Variants in LIMCH1 observed in about 807,000 individuals in gnomAD.
LIMCH1 encodes LIM and calponin homology domains 1, also known as LIM and calponin homology domains-containing protein 1.
In LIMCH1, 113 loss-of-function variants were observed where a neutral mutation model predicts 176.5. The observed-to-expected ratio is 0.64, with a 90% confidence interval of 0.55 to 0.75. LIMCH1 has a LOEUF of 0.75. LIMCH1 is among the 30% of genes least tolerant of loss of function. The pLI is 0.00. For missense variants in LIMCH1, 1,674 were observed against 1,814.9 expected (o/e 0.92, Z 1.41); for synonymous variants, 619 against 645.9 (o/e 0.96, Z 0.63).
intron 1 of LIMCH1, among the ~76,000 whole-genome samples, chr4:41,369,681 T>TG (rs1561148166): frequency 1.2e-4 from 18 of 151,754 alleles, no homozygotes; most frequent in Non-Finnish European, 2.1e-4. Flanking sequence ...CGAATTTTTT[T>TG]TGTGTGTGTG....
In LIMCH1 at chr4:41,661,492, A is replaced by T; in HGVS notation, c.3109A>T (p.Ile1037Leu). Residue 1037 changes from isoleucine (I) to leucine (L), a missense_variant, in exon 19 of 32, where the codon ATA (isoleucine) becomes TTA (leucine). Physicochemically the swap from Ile to Leu is conservative, Grantham distance 5. Around this residue, in one of 3 missense-constraint regions of LIMCH1, gnomAD observed 1,015 missense variants for 1,102.5 expected, o/e 0.92. Coordinates refer to ENST00000503057, the MANE Select transcript of LIMCH1 (RefSeq NM_001330672.2). Reference sequence around the variant, plus strand: ...TGGTGGAAAATCAAGAAAAGGGAATATAGAACTTGCCTCATCAGGTTTGTT... The same window carrying T: ...TGGTGGAAAATCAAGAAAAGGGAATTTAGAACTTGCCTCATCAGGTTTGTT... ...NDGGKSRKGN[I>L]ELASSEPQHF... The T allele has an allele frequency of 6.2e-7, 1 of 1,611,158 alleles. No individual in the cohort carries two copies. The highest frequency in any genetic ancestry group is 8.5e-7 in the Non-Finnish European group (1 of 1,177,720).
At chr4:41,573,000 G>T (rs1410363314) in intron 1 of LIMCH1, among the ~76,000 whole-genome samples, 2 of 152,172 alleles carry the variant, frequency 1.3e-5, no homozygotes, top group Admixed American at 6.5e-5. Context: ...ATGTAGATAA[G>T]GAAAATCTCC....
At chr4:41,670,618 T>A (rs2094981435) in intron 21 of LIMCH1, 4 of 770,900 alleles carry the variant, frequency 5.2e-6, no homozygotes, top group East Asian at 2.9e-5. Flanking sequence ...TGGTATTGAC[T>A]AGAGCCAAAC....
At chr4:41,615,220 T>C (rs1161414107) in intron 5 of LIMCH1, among the ~76,000 whole-genome samples, 1 of 152,222 alleles carries the variant, frequency 6.6e-6, no homozygotes, top group Non-Finnish European at 1.5e-5. Flanking sequence ...TTTTGATTAG[T>C]TGTTTTAAGT....
chr4:41,558,298 G>GA (rs1198677855), intron 1 of LIMCH1, among the ~76,000 whole-genome samples: 2 of 152,090 alleles, frequency 1.3e-5, no homozygotes. Flanking sequence ...GCAGGAATGA[G>GA]ATGCCTGCCT....
At position 41,517,574 on chromosome 4, in the gene LIMCH1, G is replaced by A. The variant is rs572937813; in HGVS notation, c.168-6835G>A. ...CTGAACCGTGCATAGCATCCCACAAGCATTTGGTAGATATTGATGGCAGCT... is the reference window on the plus strand; with the variant it reads ...CTGAACCGTGCATAGCATCCCACAAACATTTGGTAGATATTGATGGCAGCT... On this transcript the variant is annotated intron_variant, in intron 2 of 26. Coordinates refer to the LIMCH1 transcript ENST00000313860. Among the ~76,000 whole-genome samples, 22 of 152,206 alleles carry A rather than the reference G, an allele frequency of 1.4e-4. No homozygotes were observed. The South Asian group carries it at 4.6e-3, about 32-fold the overall frequency.
chr4:41,530,715 G>A (rs563099822), intron 3 of LIMCH1, among the ~76,000 whole-genome samples: 2 of 139,648 alleles, frequency 1.4e-5, no homozygotes, highest in South Asian at 4.8e-4. Flanking sequence ...GCTAAGGCAG[G>A]AGAATTGCTT....
chr4:41,440,694 G>A (rs2062609008), intron 1 of LIMCH1, among the ~76,000 whole-genome samples: 2 of 151,910 alleles, frequency 1.3e-5, no homozygotes, highest in African/African-American at 2.4e-5. Flanking sequence ...CACCGCGCCC[G>A]GCTAATTTTT....
intron 4 of LIMCH1, among the ~76,000 whole-genome samples, 191 bp from the exon 5 acceptor site, chr4:41,613,275 A>C (rs374299246): frequency 1.3e-5 from 2 of 151,910 alleles, no homozygotes; most frequent in East Asian, 3.9e-4. Context: ...TGATTGGGAA[A>C]GTTGCAGCAA....
At chr4:41,373,401 G>A (rs1473394123) in intron 1 of LIMCH1, among the ~76,000 whole-genome samples, 1 of 152,226 alleles carries the variant, frequency 6.6e-6, no homozygotes, top group Admixed American at 6.5e-5. Flanking sequence ...CATGGTCCTG[G>A]CACCGAAGAT....
chr4:41,491,295 T>C (rs2070895145), intron 1 of LIMCH1, among the ~76,000 whole-genome samples: 5 of 133,302 alleles, frequency 3.8e-5, no homozygotes, highest in East Asian at 2.3e-4. Context: ...GCAGAGGCGC[T>C]CCCCACCTCC....
chr4:41,674,923 G>A (rs6447105), intron 22 of LIMCH1, among the ~76,000 whole-genome samples: 11,087 of 152,120 alleles, frequency 0.073, 1,169 homozygotes, highest in African/African-American at 0.23. Context: ...CCATCTGTAT[G>A]CACAATTAAA....
intron 2 of LIMCH1, among the ~76,000 whole-genome samples, chr4:41,601,644 G>A (rs1223779014): frequency 6.6e-6 from 1 of 152,202 alleles, no homozygotes; most frequent in Non-Finnish European, 1.5e-5. Context: ...ACATTTTACT[G>A]TATGAGTATT....
chr4:41,572,055 G>A (rs1457150878), intron 1 of LIMCH1, among the ~76,000 whole-genome samples: 1 of 152,136 alleles, frequency 6.6e-6, no homozygotes, highest in Non-Finnish European at 1.5e-5. Context: ...ATAATTATTG[G>A]TTGGTTTGTT....
chr4:41,599,219 C>A, intron 2 of LIMCH1, 193 bp downstream of exon 2: 1 of 418,234 alleles, frequency 2.4e-6, no homozygotes. Flanking sequence ...TCTGATCAAA[C>A]ATCATTTTTT....
upstream of LIMCH1, chr4:41,360,752 G>T: frequency 2.2e-6 from 2 of 921,154 alleles, no homozygotes; most frequent in Non-Finnish European, 3.0e-6. The surrounding 1 kb of genome is among the most constrained non-coding windows in gnomAD (Gnocchi z 4.5). Flanking sequence ...GAGGCCGGCG[G>T]GCGGGAAGGG....
intron 1 of LIMCH1, among the ~76,000 whole-genome samples, chr4:41,445,884 C>T (rs1193028927): frequency 2.6e-5 from 4 of 152,156 alleles, no homozygotes; most frequent in African/African-American, 4.8e-5. Context: ...CTTTGGAGGA[C>T]TTTGGCTCTT....
Position 41,548,126 on chromosome 4 carries a change from T to G in LIMCH1, c.-241+9776T>G, listed in dbSNP as rs111905783. On this transcript the variant is annotated intron_variant, in intron 1 of 31. Transcript: ENST00000503057. ...TATAAGATCTCAGTGAATGATGATG[T>G]ATACTTCTGCAATGATACAGATCAT... Among the ~76,000 whole-genome samples, 1,073 of 151,982 alleles carry G rather than the reference T, an allele frequency of 7.1e-3. 8 individuals are homozygous for G. The highest frequency in any genetic ancestry group is 0.022 in the African/African-American group (924 of 41,484).
intron 1 of LIMCH1, among the ~76,000 whole-genome samples, chr4:41,458,148 C>T (rs1243320354): frequency 6.6e-6 from 1 of 152,100 alleles, no homozygotes; most frequent in Non-Finnish European, 1.5e-5. Flanking sequence ...GTACCTCATA[C>T]ACCTGCTATG....
Sources: allele counts gnomAD v4.1 joint callset (sites outside exome capture counted in the v4.1 genomes callset), GRCh38; gene constraint gnomAD v4.1.1; regional missense constraint gnomAD v4.1.1; non-coding constraint Gnocchi (gnomAD v3.1); transcripts MANE v1.5; gene names NCBI Gene and HGNC (gene_info 2026-07-23, HGNC 2026-07-21).